SPOCK1: variants seen among roughly 807,000 people sequenced by gnomAD.
The protein encoded by SPOCK1 is testican-1.
Under a neutral mutation model 55.3 loss-of-function variants are expected in SPOCK1, and 23 were observed. That is an observed-to-expected ratio of 0.42 (90% CI 0.30 to 0.59). The LOEUF (loss-of-function observed/expected upper bound fraction) is 0.59. SPOCK1 is among the 20% of genes least tolerant of loss of function. The pLI is 0.22. For synonymous variants in SPOCK1, 226 were observed against 221.0 expected, an observed-to-expected ratio of 1.02 and a Z score of -0.20; for missense variants, 499 against 552.5, an observed-to-expected ratio of 0.90 and a Z score of 0.97.
intron 2 of SPOCK1, among the ~76,000 whole-genome samples, chr5:137,370,051 GC>G (rs1191332319): frequency 6.6e-6 from 1 of 152,098 alleles, no homozygotes; most frequent in Admixed American, 6.5e-5. Context: ...AGCCTAGCTG[GC>G]CCGCTTATTC....
chr5:137,203,160 C>T (rs1755457030), intron 3 of SPOCK1, among the ~76,000 whole-genome samples: 1 of 152,130 alleles, frequency 6.6e-6, no homozygotes, highest in Non-Finnish European at 1.5e-5. Flanking sequence ...TAACTGATGA[C>T]AGCCTGTCTT....
intron 2 of SPOCK1, among the ~76,000 whole-genome samples, chr5:137,279,178 A>G (rs1157986329): frequency 6.6e-6 from 1 of 152,152 alleles, no homozygotes; most frequent in Admixed American, 6.5e-5. Context: ...AGCATACTGC[A>G]CTCTCTCTGT....
intron 2 of SPOCK1, among the ~76,000 whole-genome samples, chr5:137,382,204 T>A (rs1751485468): frequency 6.6e-6 from 1 of 152,234 alleles, no homozygotes; most frequent in African/African-American, 2.4e-5. Flanking sequence ...AGGTTCCTCA[T>A]CTCCATCTGA....
intron 2 of SPOCK1, among the ~76,000 whole-genome samples, chr5:137,282,474 G>T (rs908036536): frequency 3.9e-5 from 6 of 152,246 alleles, no homozygotes; most frequent in African/African-American, 1.4e-4. Flanking sequence ...CTGTCTGCAG[G>T]CGTCCTGCCT....
chr5:137,293,017 C>T (rs1454723316), intron 2 of SPOCK1, among the ~76,000 whole-genome samples: 5 of 151,458 alleles, frequency 3.3e-5, no homozygotes, highest in Non-Finnish European at 7.4e-5. Context: ...GTGACCAGTA[C>T]CCATCTGGCA....
chr5:137,386,829 A>C (rs10040268), intron 2 of SPOCK1, among the ~76,000 whole-genome samples: 2,751 of 152,294 alleles, frequency 0.018, 46 homozygotes, highest in African/African-American at 0.039. Context: ...AAACTTAAAA[A>C]TTTCTGCTGT....
intron 2 of SPOCK1, among the ~76,000 whole-genome samples, chr5:137,288,634 A>G (rs1757310209): frequency 6.6e-6 from 1 of 152,218 alleles, no homozygotes; most frequent in Non-Finnish European, 1.5e-5. Context: ...TTTGCTGCCA[A>G]GCCTGGACAC....
chr5:137,273,078 T>C (rs1757001094), intron 2 of SPOCK1, among the ~76,000 whole-genome samples: 1 of 152,184 alleles, frequency 6.6e-6, no homozygotes, highest in African/African-American at 2.4e-5. Context: ...AAAATAACAA[T>C]GTCAGTTGCT....
At chr5:137,277,581 T>C (rs1239998732) in intron 2 of SPOCK1, among the ~76,000 whole-genome samples, 2 of 151,878 alleles carry the variant, frequency 1.3e-5, no homozygotes, top group African/African-American at 4.8e-5. Context: ...AAATGGGAGG[T>C]GACAGCACAG....
At chr5:137,249,536 A>G (rs951391014) in intron 3 of SPOCK1, among the ~76,000 whole-genome samples, 12 of 152,228 alleles carry the variant, frequency 7.9e-5, no homozygotes, top group African/African-American at 2.9e-4. Context: ...TACATAGCCA[A>G]CTTCTAGAAG....
chr5:137,468,782 G>A (rs1753673345), intron 2 of SPOCK1, among the ~76,000 whole-genome samples: 2 of 152,164 alleles, frequency 1.3e-5, no homozygotes, highest in South Asian at 4.1e-4. Flanking sequence ...AAAAGCCACA[G>A]GGAGAACGAA....
At chr5:137,126,121 T>C (rs1209972354) in intron 4 of SPOCK1, among the ~76,000 whole-genome samples, 1 of 152,226 alleles carries the variant, frequency 6.6e-6, no homozygotes, top group East Asian at 1.9e-4. Context: ...CTGGGTGCCA[T>C]TCTCACTGTA....
At chr5:137,258,733 C>T (rs1014677568) in intron 3 of SPOCK1, among the ~76,000 whole-genome samples, 1 of 152,166 alleles carries the variant, frequency 6.6e-6, no homozygotes, top group Non-Finnish European at 1.5e-5. Flanking sequence ...AGGTAATAAA[C>T]ATGTCTTTAA....
chr5:137,476,915 ACT>A (rs973387340), intron 2 of SPOCK1, among the ~76,000 whole-genome samples: 4 of 151,672 alleles, frequency 2.6e-5, no homozygotes, highest in African/African-American at 9.7e-5. Context: ...ACAGAATGAG[ACT>A]CTGTCTCAAA....
At chr5:137,371,991 G>A (rs536273606) in intron 2 of SPOCK1, among the ~76,000 whole-genome samples, 1 of 152,202 alleles carries the variant, frequency 6.6e-6, no homozygotes, top group East Asian at 1.9e-4. Context: ...CAAAAACAGG[G>A]AACATTCATT....
intron 2 of SPOCK1, among the ~76,000 whole-genome samples, chr5:137,487,847 T>C (rs1318416973): frequency 1.3e-5 from 2 of 152,176 alleles, no homozygotes; most frequent in Non-Finnish European, 2.9e-5. Context: ...CTGAGGCCTA[T>C]GTTGAGTCAC....
intron 3 of SPOCK1, among the ~76,000 whole-genome samples, chr5:137,207,595 T>C (rs1194328262): frequency 6.6e-6 from 1 of 152,074 alleles, no homozygotes; most frequent in Non-Finnish European, 1.5e-5. Context: ...GTGGGTGGAC[T>C]TAATAGAGCC....
chr5:137,162,055 T>C (rs557410647), intron 3 of SPOCK1, among the ~76,000 whole-genome samples: 46 of 152,278 alleles, frequency 3.0e-4, no homozygotes, highest in African/African-American at 1.1e-3. Flanking sequence ...TCTTTCTTTC[T>C]TTTCCTCCCT....
At chr5:137,005,262 A>G (rs959296224) in intron 6 of SPOCK1, among the ~76,000 whole-genome samples, 1 of 152,140 alleles carries the variant, frequency 6.6e-6, no homozygotes, top group Non-Finnish European at 1.5e-5. Context: ...TTCCCCTTCC[A>G]TCCACAAGGC....
Sources: allele counts gnomAD v4.1 joint callset (sites outside exome capture counted in the v4.1 genomes callset), GRCh38; gene constraint gnomAD v4.1.1; transcripts MANE v1.5; gene names NCBI Gene and HGNC (gene_info 2026-07-23, HGNC 2026-07-21).